The following NECTIN3 variants were observed in gnomAD, a reference collection of about 807,000 sequenced individuals.
NECTIN3 encodes nectin-3.
A neutral mutation model predicts 49.4 loss-of-function variants in NECTIN3; 8 were observed. That is an observed-to-expected ratio of 0.16 (90% confidence interval 0.10 to 0.29). The LOEUF (loss-of-function observed/expected upper bound fraction) is 0.29. Among genes scored for constraint, NECTIN3 ranks in the 10% least tolerant of loss-of-function variants. The pLI, the probability that NECTIN3 is intolerant of heterozygous loss-of-function variation, is 1.00. For missense variants in NECTIN3, 581 were observed against 654.6 expected, an observed-to-expected ratio of 0.89 and a Z score of 1.23; for synonymous variants, 277 against 241.1, an observed-to-expected ratio of 1.15 and a Z score of -1.38.
intron 7 of NECTIN3, among the ~76,000 whole-genome samples, chr3:111,167,966 G>T (rs2035352278): frequency 6.6e-6 from 1 of 152,064 alleles, no homozygotes. Flanking sequence ...TTGGATTTCA[G>T]ATTTTTTTAT....
intron 5 of NECTIN3, among the ~76,000 whole-genome samples, chr3:111,142,627 A>G (rs1009019004): frequency 6.6e-6 from 1 of 151,892 alleles, no homozygotes; most frequent in East Asian, 1.9e-4. Context: ...TTAAAAGTCT[A>G]CATTATGTGG....
intron 7 of NECTIN3, among the ~76,000 whole-genome samples, chr3:111,156,621 G>A (rs1420262432): frequency 2.0e-5 from 3 of 152,182 alleles, no homozygotes; most frequent in African/African-American, 4.8e-5. Flanking sequence ...CTTATCTGAA[G>A]CCACCAAATT....
intron 1 of NECTIN3, among the ~76,000 whole-genome samples, chr3:111,101,296 G>T (rs2032893041): frequency 6.6e-6 from 1 of 152,068 alleles, no homozygotes; most frequent in African/African-American, 2.4e-5. Flanking sequence ...GAGAATAGAT[G>T]ATGAAAACCC....
rs938701782 is a variant in NECTIN3 at position 111,071,816 on chromosome 3, A to G, written c.-202A>G. On this transcript the variant is annotated 5_prime_UTR_variant, in exon 1 of 6. Coordinates refer to ENST00000485303, the MANE Select transcript of NECTIN3 (RefSeq NM_015480.3). ...GGCGGCGGCGGGCGGCTCCCGCTTC[A>G]GCCTCGGCAGTGGCGTCGGCGACGG... 5 of 358,502 alleles carry G rather than the reference A, an allele frequency of 1.4e-5. No individual in the cohort carries two copies. Among genetic ancestry groups the G allele is most frequent in the African/African-American group, 6.4e-5 (3 of 46,812 alleles). The allele number at this position is 358,502 out of a possible 1,614,324, so 22.2% of individuals were successfully genotyped here.
At chr3:111,184,916 G>A (rs1190127861) in intron 7 of NECTIN3, among the ~76,000 whole-genome samples, 2 of 152,206 alleles carry the variant, frequency 1.3e-5, no homozygotes, top group African/African-American at 4.8e-5. Flanking sequence ...AGCCTTCTAA[G>A]GTGTGAACCT....
chr3:111,079,175 A>C (rs889171128), intron 1 of NECTIN3, among the ~76,000 whole-genome samples: 1 of 152,142 alleles, frequency 6.6e-6, no homozygotes, highest in African/African-American at 2.4e-5. Context: ...ACTGTGAATT[A>C]TTCATGATAG....
At chr3:111,099,854 T>C (rs1035485413) in intron 1 of NECTIN3, among the ~76,000 whole-genome samples, 5 of 152,240 alleles carry the variant, frequency 3.3e-5, no homozygotes, top group East Asian at 1.9e-4. Context: ...TCAAACAATT[T>C]TAGTGCTTCT....
chr3:111,114,160 C>T (rs1438309204), intron 2 of NECTIN3, among the ~76,000 whole-genome samples: 1 of 152,122 alleles, frequency 6.6e-6, no homozygotes, highest in Non-Finnish European at 1.5e-5. Flanking sequence ...ATGTTGTCCA[C>T]ACCTACTTTT....
chr3:111,185,895 G>A (rs1196503643), intron 7 of NECTIN3, among the ~76,000 whole-genome samples: 1 of 152,142 alleles, frequency 6.6e-6, no homozygotes, highest in Non-Finnish European at 1.5e-5. Flanking sequence ...GAACTAAAAA[G>A]GAAAGAGTAA....
intron 1 of NECTIN3, among the ~76,000 whole-genome samples, chr3:111,084,452 G>A (rs1317285202): frequency 6.6e-6 from 1 of 152,196 alleles, no homozygotes; most frequent in African/African-American, 2.4e-5. Context: ...GTCTACTAGA[G>A]ACTATTCTAG....
At chr3:111,108,939 A>G (rs2033333587) in intron 1 of NECTIN3, among the ~76,000 whole-genome samples, 1 of 152,024 alleles carries the variant, frequency 6.6e-6, no homozygotes, top group Non-Finnish European at 1.5e-5. Flanking sequence ...AAACATCCAA[A>G]CCATTGCAGG....
intron 1 of NECTIN3, chr3:111,193,116 G>C: frequency 3.2e-6 from 4 of 1,231,482 alleles, no homozygotes; most frequent in Non-Finnish European, 4.5e-6. Flanking sequence ...AAACTGTAGT[G>C]AATTCTATTC....
intron 1 of NECTIN3, among the ~76,000 whole-genome samples, chr3:111,090,426 G>A (rs2032194845): frequency 6.6e-6 from 1 of 151,850 alleles, no homozygotes; most frequent in African/African-American, 2.4e-5. Context: ...AACTACCCTA[G>A]AGATTACAAG....
chr3:111,164,312 G>A (rs72937954), intron 7 of NECTIN3, among the ~76,000 whole-genome samples: 10,193 of 152,084 alleles, frequency 0.067, 791 homozygotes, highest in East Asian at 0.23. Flanking sequence ...GAGGCTTCAC[G>A]TTGAAGCTGT....
chr3:111,072,857 A>C (rs2030887203), intron 1 of NECTIN3: 1 of 320,218 alleles, frequency 3.1e-6, no homozygotes, highest in African/African-American at 2.2e-5. Flanking sequence ...TAAATACCTG[A>C]TTTCATGGAC....
chr3:111,115,385 A>T (rs1048232677), intron 2 of NECTIN3, among the ~76,000 whole-genome samples: 2 of 152,212 alleles, frequency 1.3e-5, no homozygotes, highest in Non-Finnish European at 2.9e-5. Flanking sequence ...GGAAATTCAT[A>T]TTTGTATTCA....
intron 1 of NECTIN3, among the ~76,000 whole-genome samples, chr3:111,101,795 A>C (rs1488839398): frequency 6.6e-6 from 1 of 152,178 alleles, no homozygotes; most frequent in Non-Finnish European, 1.5e-5. Context: ...GCAATGTGCC[A>C]GAGAATAATT....
chr3:111,088,681 T>A (rs1002534754), intron 1 of NECTIN3, among the ~76,000 whole-genome samples: 3 of 152,190 alleles, frequency 2.0e-5, no homozygotes, highest in East Asian at 3.8e-4. Flanking sequence ...TCTGGAGTAA[T>A]CTCAGTTTGG....
At chr3:111,191,927 A>G (rs73229200), upstream of NECTIN3, among the ~76,000 whole-genome samples, 4,355 of 152,242 alleles carry the variant, frequency 0.029, 94 homozygotes, top group Middle Eastern at 0.088. Context: ...TGCTTCCCCA[A>G]TTCAAACAAT....
Sources: allele counts gnomAD v4.1 joint callset (sites outside exome capture counted in the v4.1 genomes callset), GRCh38; gene constraint gnomAD v4.1.1; transcripts MANE v1.5; gene names NCBI Gene and HGNC (gene_info 2026-07-23, HGNC 2026-07-21).